AKAP6: variants seen among roughly 807,000 people sequenced by gnomAD.
AKAP6 encodes the protein A-kinase anchoring protein 6.
AKAP6 carries 58 observed loss-of-function variants against 188.5 expected under a neutral mutation model. The ratio of observed to expected loss-of-function variants is 0.31; its 90% confidence interval spans 0.25 to 0.38. The LOEUF (loss-of-function observed/expected upper bound fraction) is 0.38. Among genes scored for constraint, AKAP6 ranks in the 10% least tolerant of loss-of-function variants. The pLI is 1.00. For missense variants in AKAP6, 2,710 were observed against 2,740.0 expected (o/e 0.99, Z 0.24); for synonymous variants, 989 against 998.6 (o/e 0.99, Z 0.18).
At chr14:32,749,755 G>A (rs945045487) in intron 11 of AKAP6, among the ~76,000 whole-genome samples, 11 of 152,224 alleles carry the variant, frequency 7.2e-5, no homozygotes, top group African/African-American at 1.4e-4. Context: ...ACAATTCTCA[G>A]TTAAAATTAA....
chr14:32,631,615 T>C (rs1298778308), intron 7 of AKAP6, among the ~76,000 whole-genome samples: 1 of 152,044 alleles, frequency 6.6e-6, no homozygotes, highest in African/African-American at 2.4e-5. Context: ...GCTTCAGATT[T>C]CTTTGCTATG....
intron 11 of AKAP6, among the ~76,000 whole-genome samples, chr14:32,738,050 T>C (rs979144919): frequency 1.3e-5 from 2 of 151,988 alleles, no homozygotes; most frequent in African/African-American, 2.4e-5. Context: ...GGAAGAAACA[T>C]GAAGGTGTGG....
intron 1 of AKAP6, among the ~76,000 whole-genome samples, chr14:32,424,145 C>A (rs768104691): frequency 1.4e-4 from 22 of 152,154 alleles, no homozygotes; most frequent in Non-Finnish European, 2.5e-4. Flanking sequence ...AGTAAGAGTG[C>A]ATGTATTGAC....
At chr14:32,807,927 T>A (rs767678573) in intron 12 of AKAP6, among the ~76,000 whole-genome samples, 8 of 152,188 alleles carry the variant, frequency 5.3e-5, no homozygotes, top group Non-Finnish European at 1.0e-4. Flanking sequence ...GAAAGAGTGG[T>A]CATAATAACA....
chr14:32,732,640 A>G lies in AKAP6; in HGVS notation c.3147+40A>G, dbSNP rs375046897. 2.9e-5 allele frequency: 46 copies of G among 1,605,882 alleles called. No homozygotes were observed. In the African/African-American group the frequency reaches 4.7e-4, roughly 16 times the overall value. On this transcript the variant is annotated intron_variant, in intron 10 of 13. Transcript: ENST00000280979. ...ATTACTGTTTGTAGGTTATGTGTACATTTTTTGCGTAGTGAAGTACTCTGT... is the reference window on the plus strand; with the variant it reads ...ATTACTGTTTGTAGGTTATGTGTACGTTTTTTGCGTAGTGAAGTACTCTGT...
At chr14:32,332,418 A>G (rs1886561510) in intron 1 of AKAP6, among the ~76,000 whole-genome samples, 1 of 152,092 alleles carries the variant, frequency 6.6e-6, no homozygotes, top group Admixed American at 6.6e-5. Flanking sequence ...ATGAATCTTG[A>G]TCAGATGTGA....
chr14:32,612,111 C>T (rs1250498678), intron 7 of AKAP6, among the ~76,000 whole-genome samples: 1 of 152,128 alleles, frequency 6.6e-6, no homozygotes. Context: ...ATTTTCCAGT[C>T]CTGTGTGATC....
chr14:32,709,038 A>T (rs1370514896), intron 9 of AKAP6, among the ~76,000 whole-genome samples: 2 of 152,078 alleles, frequency 1.3e-5, no homozygotes, highest in African/African-American at 2.4e-5. Flanking sequence ...TATTTTCTGT[A>T]ACTTGGAAAT....
At chr14:32,514,844 C>A (rs2139036306) in intron 2 of AKAP6, among the ~76,000 whole-genome samples, 1 of 152,170 alleles carries the variant, frequency 6.6e-6, no homozygotes, top group South Asian at 2.1e-4. Flanking sequence ...CCCAGCATAG[C>A]AACTAAGGAA....
At chr14:32,499,346 A>AG (rs1383866226) in intron 2 of AKAP6, among the ~76,000 whole-genome samples, 21 of 151,138 alleles carry the variant, frequency 1.4e-4, no homozygotes, top group East Asian at 3.9e-4. Flanking sequence ...AAAAAAAAAA[A>AG]AGAGAGAAAG....
At chr14:32,401,060 T>A (rs936211078) in intron 1 of AKAP6, among the ~76,000 whole-genome samples, 2 of 152,194 alleles carry the variant, frequency 1.3e-5, no homozygotes. Flanking sequence ...TCTGTTTTCC[T>A]CTGGACATTG....
intron 1 of AKAP6, among the ~76,000 whole-genome samples, chr14:32,371,911 C>T (rs1011284965): frequency 6.6e-6 from 1 of 152,128 alleles, no homozygotes; most frequent in African/African-American, 2.4e-5. Context: ...CAGATTAGTA[C>T]TCTTTCACTC....
intron 7 of AKAP6, among the ~76,000 whole-genome samples, chr14:32,642,918 T>G (rs1372560147): frequency 6.6e-6 from 1 of 152,170 alleles, no homozygotes. Flanking sequence ...ACCATGGGAA[T>G]ACCATATGAC....
chr14:32,826,849 G>A, intron 13 of AKAP6, among the ~76,000 whole-genome samples: 1 of 152,146 alleles, frequency 6.6e-6, no homozygotes, highest in South Asian at 2.1e-4. Context: ...AGTATTTTTT[G>A]TTAAGCCCCG....
At chr14:32,438,732 C>T (rs1367748838) in intron 2 of AKAP6, 1 of 152,188 alleles carries the variant, frequency 6.6e-6, no homozygotes, top group Non-Finnish European at 1.5e-5. Flanking sequence ...TTTAGAATCT[C>T]TCCGCCTTCT....
intron 8 of AKAP6, among the ~76,000 whole-genome samples, chr14:32,691,922 C>T (rs9322910): frequency 0.048 from 7,260 of 152,228 alleles, 550 homozygotes; most frequent in African/African-American, 0.16. Context: ...TCTTTTCCAA[C>T]TTGTGGATTA....
In AKAP6 at chr14:32,833,258, T is replaced by C. The variant is rs2034840222; in HGVS notation, c.*3453T>C. 6.6e-6 allele frequency: 1 copy of C among 152,210 alleles called. No homozygotes were observed. Among genetic ancestry groups the C allele is most frequent in the South Asian group, 2.1e-4 (1 of 4,822 alleles). 9.4% of individuals were successfully genotyped at this position (152,210 alleles called of 1,614,324 possible). A position where few individuals can be genotyped will look rare whatever the true frequency, so the allele number is the denominator to read the frequency against. On this transcript the variant is annotated 3_prime_UTR_variant, in exon 14 of 14. Coordinates refer to ENST00000280979, the MANE Select transcript of AKAP6 (RefSeq NM_004274.5). Reference sequence around the variant, plus strand: ...TTGGCATTAGGTATATAAAGGCAACTAACACATGGTATCTGTCTCCAAAGG... The same window carrying C: ...TTGGCATTAGGTATATAAAGGCAACCAACACATGGTATCTGTCTCCAAAGG...
chr14:32,482,425 C>A (rs191266017), intron 2 of AKAP6, among the ~76,000 whole-genome samples: 10 of 152,322 alleles, frequency 6.6e-5, no homozygotes, highest in Admixed American at 1.3e-4. Context: ...CAGATACCCT[C>A]CTGTCTCAAC....
intron 8 of AKAP6, among the ~76,000 whole-genome samples, chr14:32,691,785 C>T (rs985664912): frequency 6.6e-6 from 1 of 152,094 alleles, no homozygotes; most frequent in Non-Finnish European, 1.5e-5. Context: ...TCTCAAACTC[C>T]TGACCTCAGG....
Sources: gnomAD v4.1 joint callset for allele counts (sites outside exome capture counted in the v4.1 genomes callset) on GRCh38, gnomAD v4.1.1 for gene constraint, MANE v1.5 for transcripts, NCBI Gene and HGNC (gene_info 2026-07-23, HGNC 2026-07-21) for gene names.